Variants in GRM7 observed in about 807,000 individuals in gnomAD.
GRM7 encodes the protein metabotropic glutamate receptor 7.
Under a neutral mutation model 84.5 loss-of-function variants are expected in GRM7, and 35 were observed. The ratio of observed to expected loss-of-function variants is 0.41; its 90% confidence interval spans 0.32 to 0.55. GRM7 has a LOEUF of 0.55. Ranked by LOEUF, GRM7 falls within the 20% of genes least tolerant of loss-of-function variation. GRM7 has a pLI of 0.19. For missense variants in GRM7, 1,003 were observed against 1,194.6 expected, an observed-to-expected ratio of 0.84 and a Z score of 2.36; for synonymous variants, 487 against 455.1, an observed-to-expected ratio of 1.07 and a Z score of -0.89.
chr3:7,474,482 C>CA (rs1698840173), intron 7 of GRM7, among the ~76,000 whole-genome samples: 1 of 151,450 alleles, frequency 6.6e-6, no homozygotes, highest in African/African-American at 2.4e-5. Flanking sequence ...AGTAACCCCC[C>CA]ACCAAAAACA....
intron 7 of GRM7, among the ~76,000 whole-genome samples, chr3:7,466,772 A>C (rs985303117): frequency 2.0e-5 from 3 of 152,170 alleles, no homozygotes; most frequent in African/African-American, 7.2e-5. Context: ...TACAAACCTC[A>C]ATTTTCTGCC....
chr3:7,106,092 GTTTA>G (rs1298589214), intron 1 of GRM7, among the ~76,000 whole-genome samples: 1 of 143,614 alleles, frequency 7.0e-6, no homozygotes, highest in Non-Finnish European at 1.5e-5. Context: ...TTTCTTCTTT[GTTTA>G]TTTATTCACT....
intron 5 of GRM7, among the ~76,000 whole-genome samples, chr3:7,439,989 T>C (rs1697221834): frequency 6.6e-6 from 1 of 152,164 alleles, no homozygotes. Context: ...TGGGATAAAG[T>C]TGCATTGAGG....
intron 7 of GRM7, among the ~76,000 whole-genome samples, chr3:7,551,681 G>A (rs551076629): frequency 6.6e-6 from 1 of 151,942 alleles, no homozygotes; most frequent in African/African-American, 2.4e-5. Flanking sequence ...CACAATAAAT[G>A]AGAGCTATAA....
intron 9 of GRM7, among the ~76,000 whole-genome samples, chr3:7,699,983 A>G (rs1379670140): frequency 6.6e-6 from 1 of 152,186 alleles, no homozygotes; most frequent in African/African-American, 2.4e-5. Context: ...ACCCTCTGTA[A>G]GCAAGTTATT....
intron 1 of GRM7, among the ~76,000 whole-genome samples, chr3:7,088,775 C>G (rs952947477): frequency 2.7e-5 from 4 of 149,450 alleles, no homozygotes; most frequent in Non-Finnish European, 5.9e-5. Flanking sequence ...CCTCTTGACC[C>G]AAAGATTTAA....
At chr3:7,520,824 G>A (rs1304688501) in intron 7 of GRM7, among the ~76,000 whole-genome samples, 1 of 152,186 alleles carries the variant, frequency 6.6e-6, no homozygotes, top group African/African-American at 2.4e-5. Context: ...CATCAGAAAT[G>A]CTTCTGTCAG....
At chr3:6,962,406 AG>A (rs1230253017) in intron 1 of GRM7, among the ~76,000 whole-genome samples, 1 of 152,224 alleles carries the variant, frequency 6.6e-6, no homozygotes, top group Non-Finnish European at 1.5e-5. Flanking sequence ...AAAGCTAAGC[AG>A]GAAACAGTAT....
intron 1 of GRM7, among the ~76,000 whole-genome samples, chr3:6,947,416 G>T (rs568319346): frequency 6.6e-6 from 1 of 152,156 alleles, no homozygotes; most frequent in African/African-American, 2.4e-5. Context: ...CTTGATCATG[G>T]TGGATAAGCT....
At chr3:7,709,984 G>T (rs1029642095) in intron 9 of GRM7, among the ~76,000 whole-genome samples, 1 of 152,070 alleles carries the variant, frequency 6.6e-6, no homozygotes, top group Non-Finnish European at 1.5e-5. Flanking sequence ...GTTGCTCCAA[G>T]AATTCGGACA....
intron 9 of GRM7, among the ~76,000 whole-genome samples, chr3:7,717,715 C>A (rs1701813649): frequency 6.6e-6 from 1 of 152,146 alleles, no homozygotes; most frequent in South Asian, 2.1e-4. Flanking sequence ...GTCTCCAGTA[C>A]TAGACAGAAA....
At chr3:7,375,703 T>C (rs1291504782) in intron 4 of GRM7, among the ~76,000 whole-genome samples, 1 of 152,152 alleles carries the variant, frequency 6.6e-6, no homozygotes, top group Non-Finnish European at 1.5e-5. Context: ...GATTAATTCT[T>C]CATATGCCCC....
intron 2 of GRM7, among the ~76,000 whole-genome samples, chr3:7,178,944 CAA>C (rs35719504): frequency 1.3e-5 from 2 of 149,676 alleles, no homozygotes; most frequent in African/African-American, 2.5e-5. Flanking sequence ...CAAAAAAATA[CAA>C]AAAAAAAATA....
chr3:6,894,024 A>G (rs1265716894), intron 1 of GRM7: 1 of 152,150 alleles, frequency 6.6e-6, no homozygotes, highest in East Asian at 1.9e-4. Flanking sequence ...GCAAACCTAG[A>G]AGAGGGCAAA....
At chr3:7,637,478 C>T (rs1698150968) in intron 8 of GRM7, among the ~76,000 whole-genome samples, 1 of 152,142 alleles carries the variant, frequency 6.6e-6, no homozygotes, top group African/African-American at 2.4e-5. Context: ...AGGCACAACC[C>T]TCTATTAAAA....
chr3:7,734,731 A>G (rs1847434), intron 9 of GRM7, among the ~76,000 whole-genome samples: 53,150 of 152,100 alleles, frequency 0.35, 11,475 homozygotes, highest in African/African-American at 0.62. Flanking sequence ...ATAGTTCAGA[A>G]TTGAACTGGT....
At chr3:7,449,612 T>C (rs970956707) in intron 5 of GRM7, among the ~76,000 whole-genome samples, 6 of 140,316 alleles carry the variant, frequency 4.3e-5, no homozygotes, top group Admixed American at 3.8e-4. Context: ...GGTGCATGGA[T>C]AGAGAAAGTA....
chr3:7,666,083 T>C (rs1051314902), intron 8 of GRM7, among the ~76,000 whole-genome samples: 3 of 152,172 alleles, frequency 2.0e-5, no homozygotes, highest in Admixed American at 6.5e-5. Context: ...GATGATTATA[T>C]ATACTGTGAA....
chr3:7,219,865 C>T (rs138574319), intron 2 of GRM7, among the ~76,000 whole-genome samples: 2 of 152,242 alleles, frequency 1.3e-5, no homozygotes, highest in African/African-American at 4.8e-5. Flanking sequence ...CAAGATGATT[C>T]TGGAGTATCT....
Sources: gnomAD v4.1 joint callset for allele counts (sites outside exome capture counted in the v4.1 genomes callset) on GRCh38, gnomAD v4.1.1 for gene constraint, MANE v1.5 for transcripts, NCBI Gene and HGNC (gene_info 2026-07-23, HGNC 2026-07-21) for gene names.